The following PGS1 variants were observed in gnomAD, a reference collection of about 807,000 sequenced individuals.
PGS1 encodes the protein phosphatidylglycerophosphate synthase 1, also known as CDP-diacylglycerol--glycerol-3-phosphate 3-phosphatidyltransferase, mitochondrial.
In PGS1, 44 loss-of-function variants were observed where a neutral mutation model predicts 58.3. That is an observed-to-expected ratio of 0.75 (90% CI 0.59 to 0.97). The LOEUF (loss-of-function observed/expected upper bound fraction) is 0.97, where lower values mean the gene tolerates loss of function less well. PGS1 is among the 50% of genes least tolerant of loss of function. PGS1 has a pLI of 0.00. For missense variants in PGS1, 684 were observed against 731.1 expected, an observed-to-expected ratio of 0.94 and a Z score of 0.74; for synonymous variants, 330 against 311.0, an observed-to-expected ratio of 1.06 and a Z score of -0.64.
intron 7 of PGS1, among the ~76,000 whole-genome samples, chr17:78,405,154 C>T (rs1417199853): frequency 1.6e-5 from 2 of 128,318 alleles, no homozygotes; most frequent in African/African-American, 2.5e-5. Flanking sequence ...TGCACCATTA[C>T]GCCTGGCTAA....
At position 78,394,173 on chromosome 17, in the gene PGS1, C is replaced by CAAAAAAA. The variant is rs1567955367; in HGVS notation, c.333+1528_333+1534dup. 5.2e-5 allele frequency among the ~76,000 whole-genome samples: 2 copies of CAAAAAAA among 38,508 alleles called. 1 individual carries two copies. Among genetic ancestry groups the CAAAAAAA allele is most frequent in the African/African-American group, 1.4e-4 (2 of 14,224 alleles). The allele number at this position is 38,508 out of a possible 152,430, so 25.3% of individuals were successfully genotyped here. On this transcript the variant is annotated intron_variant, in intron 2 of 9. Transcript: ENST00000262764. ...GGCAACAGAGCGAGACTCTATCTCC[C>CAAAAAAA]AAAAAAAAAAAAAAAAAAAAAAAAA...
At chr17:78,414,699 C>T (rs763628769) in intron 7 of PGS1, among the ~76,000 whole-genome samples, 180 bp from the exon 8 acceptor site, 9 of 152,052 alleles carry the variant, frequency 5.9e-5, no homozygotes, top group East Asian at 1.9e-4. Flanking sequence ...TGCTTCCTGC[C>T]GCGCCGGGGT....
At chr17:78,391,250 G>A (rs528135784) in intron 1 of PGS1, among the ~76,000 whole-genome samples, 5 of 151,810 alleles carry the variant, frequency 3.3e-5, no homozygotes, top group Admixed American at 1.3e-4. Context: ...GCGCGGCCAC[G>A]GCTCATCATC....
chr17:78,406,572 C>T (rs996958440), intron 7 of PGS1, among the ~76,000 whole-genome samples: 5 of 152,256 alleles, frequency 3.3e-5, no homozygotes, highest in African/African-American at 1.2e-4. Flanking sequence ...CCACACTGTC[C>T]TGCAGGACCC....
At chr17:78,413,948 T>C (rs1215108660) in intron 7 of PGS1, among the ~76,000 whole-genome samples, 1 of 152,220 alleles carries the variant, frequency 6.6e-6, no homozygotes, top group East Asian at 1.9e-4. Context: ...TGCCCTGCTT[T>C]TTCTCCAACT....
At chr17:78,387,807 A>G (rs1188327877) in intron 1 of PGS1, among the ~76,000 whole-genome samples, 1 of 151,920 alleles carries the variant, frequency 6.6e-6, no homozygotes, top group Non-Finnish European at 1.5e-5. Flanking sequence ...TATGTTGCCC[A>G]AGTTGGTCTC....
chr17:78,396,057 AT>A (rs1355705840), intron 2 of PGS1, among the ~76,000 whole-genome samples: 4 of 152,232 alleles, frequency 2.6e-5, no homozygotes, highest in African/African-American at 9.6e-5. Context: ...ATTCTTCTTA[AT>A]GGCCGTGTTG....
At chr17:78,380,552 A>G (rs2081968087) in intron 1 of PGS1, among the ~76,000 whole-genome samples, 1 of 152,076 alleles carries the variant, frequency 6.6e-6, no homozygotes, top group African/African-American at 2.4e-5. Context: ...TTGCATTTTC[A>G]TTTTTTCAGT....
chr17:78,421,887 CAACAGAG>C (rs1568016124), intron 9 of PGS1: 1 of 146,872 alleles, frequency 6.8e-6, no homozygotes, highest in Non-Finnish European at 1.5e-5. Context: ...GCAGCCGGAG[CAACAGAG>C]AGCAGCGGGC....
At chr17:78,405,254 CCA>C (rs2146245475) in intron 7 of PGS1, among the ~76,000 whole-genome samples, 1 of 152,320 alleles carries the variant, frequency 6.6e-6, no homozygotes, top group Admixed American at 6.5e-5. Flanking sequence ...TCTCAGCCTT[CCA>C]CAGTGCTGGG....
intron 7 of PGS1, among the ~76,000 whole-genome samples, chr17:78,409,284 C>A (rs184064068): frequency 1.3e-5 from 2 of 152,376 alleles, no homozygotes; most frequent in African/African-American, 4.8e-5. Flanking sequence ...TGTTGACTTC[C>A]ATTTCTTCTG....
At chr17:78,385,043 C>T (rs988578515) in intron 1 of PGS1, among the ~76,000 whole-genome samples, 6 of 152,220 alleles carry the variant, frequency 3.9e-5, no homozygotes, top group South Asian at 2.1e-4. Flanking sequence ...GCAGAGCACG[C>T]GCAGCTGCAG....
chr17:78,384,985 T>G (rs1677794879), intron 1 of PGS1, among the ~76,000 whole-genome samples: 1 of 152,248 alleles, frequency 6.6e-6, no homozygotes, highest in Non-Finnish European at 1.5e-5. Flanking sequence ...CAGGCGCTGT[T>G]GACACGCGCT....
At chr17:78,387,460 C>T (rs1013509188) in intron 1 of PGS1, among the ~76,000 whole-genome samples, 6 of 149,260 alleles carry the variant, frequency 4.0e-5, no homozygotes, top group South Asian at 2.1e-4. Flanking sequence ...CCACCAGGCC[C>T]GGCTAATTTT....
intron 1 of PGS1, among the ~76,000 whole-genome samples, chr17:78,391,958 C>G (rs889317892): frequency 6.6e-6 from 1 of 152,164 alleles, no homozygotes; most frequent in Non-Finnish European, 1.5e-5. Context: ...GTTTCTTTTT[C>G]TGGGTGCTTC....
At chr17:78,407,125 T>C (rs1163813919) in intron 7 of PGS1, among the ~76,000 whole-genome samples, 1 of 151,384 alleles carries the variant, frequency 6.6e-6, no homozygotes, top group African/African-American at 2.4e-5. Context: ...AGTGGGAAAT[T>C]GGGGATGATC....
intron 9 of PGS1, chr17:78,420,625 G>T (rs553664721): frequency 6.6e-6 from 1 of 152,338 alleles, no homozygotes; most frequent in African/African-American, 2.4e-5. Context: ...TGTGTGCAGC[G>T]TGGGCTCCCT....
intron 2 of PGS1, among the ~76,000 whole-genome samples, chr17:78,392,908 G>C (rs1300775288): frequency 6.6e-6 from 1 of 152,162 alleles, no homozygotes; most frequent in Non-Finnish European, 1.5e-5. Flanking sequence ...CAAGGACCTA[G>C]ACCTTATTTT....
At chr17:78,421,889 A>ACAGAGAG (rs1481168127) in intron 9 of PGS1, 1 of 146,522 alleles carries the variant, frequency 6.8e-6, no homozygotes, top group Non-Finnish European at 1.5e-5. Context: ...AGCCGGAGCA[A>ACAGAGAG]CAGAGAGCAG....
Sources: allele counts gnomAD v4.1 joint callset (sites outside exome capture counted in the v4.1 genomes callset), GRCh38; gene constraint gnomAD v4.1.1; transcripts MANE v1.5; gene names NCBI Gene and HGNC (gene_info 2026-07-23, HGNC 2026-07-21).